Variants in RASL10B observed in about 807,000 individuals in gnomAD.
RASL10B encodes RAS like family 10 member B, also known as ras-like protein family member 10B.
Under a neutral mutation model 20.7 loss-of-function variants are expected in RASL10B, and 10 were observed. The ratio of observed to expected loss-of-function variants is 0.48; its 90% CI spans 0.30 to 0.82. RASL10B has a LOEUF of 0.82. RASL10B is among the 40% of genes least tolerant of loss of function. The pLI, the probability that RASL10B is intolerant of heterozygous loss-of-function variation, is 0.07. For missense variants in RASL10B, 231 were observed against 295.4 expected, an observed-to-expected ratio of 0.78 and a Z score of 1.60; for synonymous variants, 110 against 123.3, an observed-to-expected ratio of 0.89 and a Z score of 0.72.
Position 35,740,105 on chromosome 17 carries a change from A to G in RASL10B, c.217-304A>G, listed in dbSNP as rs9911015. ...GGTACTTAATAAATGTACTTGTTGA[A>G]CAAAGGCCTCGATGGATGGATGAGG... On this transcript the variant is annotated intron_variant, in intron 2 of 3. Transcript: ENST00000603017. 2.5e-3 allele frequency among the ~76,000 whole-genome samples: 377 copies of G among 152,334 alleles called. 2 individuals carry two copies. Among genetic ancestry groups the G allele is most frequent in the African/African-American group, 8.6e-3 (357 of 41,558 alleles).
At position 35,735,545 on chromosome 17, in the gene RASL10B, G is replaced by A; in HGVS notation, c.216+145G>A. Reference sequence around the variant, plus strand: ...TCCACACTGCACCTTGGGCCACTCTGCTTAGAGCCGTTCCAGGAATCCATT... The same window carrying A: ...TCCACACTGCACCTTGGGCCACTCTACTTAGAGCCGTTCCAGGAATCCATT... On this transcript the variant is annotated intron_variant, in intron 2 of 3. Coordinates refer to ENST00000603017, the MANE Select transcript of RASL10B (RefSeq NM_033315.4). This position sits in a 1 kb window ranked among gnomAD's most constrained non-coding sequence, Gnocchi z 6.7. 1.4e-6 allele frequency: 1 copy of A among 701,300 alleles called. No homozygotes were observed. Among genetic ancestry groups the A allele is most frequent in the Non-Finnish European group, 2.4e-6 (1 of 421,662 alleles). 43.4% of individuals were successfully genotyped at this position (701,300 alleles called of 1,614,324 possible). A position where few individuals can be genotyped will look rare whatever the true frequency, so the allele number is the denominator to read the frequency against.
chr17:35,738,586 C>G (rs2143020060), intron 2 of RASL10B, among the ~76,000 whole-genome samples: 1 of 152,296 alleles, frequency 6.6e-6, no homozygotes, highest in African/African-American at 2.4e-5. Context: ...GTGGCTGAGC[C>G]TTGTCCCTGA....
chr17:35,735,481 G>C lies in RASL10B; in HGVS notation c.216+81G>C. On this transcript the variant is annotated intron_variant, in intron 2 of 3. Coordinates refer to ENST00000603017, the MANE Select transcript of RASL10B (RefSeq NM_033315.4). This position sits in a 1 kb window ranked among gnomAD's most constrained non-coding sequence, Gnocchi z 6.7. ...GCTGGATTCCAAACTGCTGTAGCTT[G>C]GGCCCTATTGCCAGGGCCCCATCAC... 1 of 1,417,550 alleles carries C rather than the reference G, an allele frequency of 7.1e-7. No homozygotes were observed. The allele number at this position is 1,417,550 out of a possible 1,614,324, so 87.8% of individuals were successfully genotyped here.
At position 35,741,558 on chromosome 17, in the gene RASL10B, G is replaced by T; in HGVS notation, c.*253G>T. The T allele has an allele frequency of 4.4e-6, 2 of 455,582 alleles. No homozygotes were observed. The highest frequency in any genetic ancestry group is 3.7e-5 in the East Asian group (1 of 27,086). 28.2% of individuals were successfully genotyped at this position (455,582 alleles called of 1,614,324 possible). A position where few individuals can be genotyped will look rare whatever the true frequency, so the allele number is the denominator to read the frequency against. On this transcript the variant is annotated 3_prime_UTR_variant, in exon 4 of 4. Coordinates refer to ENST00000603017, the MANE Select transcript of RASL10B (RefSeq NM_033315.4). ...CTGTATTTAGTGCAGTGCCCGGCCCGACCCGCGGGGGTGCCACAGCCTTTT... is the reference window on the plus strand; with the variant it reads ...CTGTATTTAGTGCAGTGCCCGGCCCTACCCGCGGGGGTGCCACAGCCTTTT...
intron 1 of RASL10B, among the ~76,000 whole-genome samples, chr17:35,733,981 A>T (rs1030213406): frequency 6.6e-6 from 1 of 152,206 alleles, no homozygotes; most frequent in East Asian, 1.9e-4. Flanking sequence ...ACCTTGGCCT[A>T]TATGCATTCA....
rs895597865 is a variant in RASL10B at position 35,731,699 on chromosome 17, C to T, written c.-327C>T. 6.6e-6 allele frequency: 1 copy of T among 152,160 alleles called. No individual in the cohort carries two copies. Among genetic ancestry groups the T allele is most frequent in the Non-Finnish European group, 1.5e-5 (1 of 68,026 alleles). 9.4% of individuals were successfully genotyped at this position (152,160 alleles called of 1,614,324 possible). The stretch of plus-strand genomic sequence containing the variant: ...GAGCTGGGGCTGGAGGTTCCTACCC[C>T]CTCGGCGGCCCGCATCTGCCCCCGC... On this transcript the variant is annotated 5_prime_UTR_variant, in exon 1 of 4. Transcript: ENST00000603017.
At position 35,741,387 on chromosome 17, in the gene RASL10B, C is replaced by A. The variant is rs2085628584; in HGVS notation, c.*82C>A. 1.5e-6 allele frequency: 2 copies of A among 1,361,336 alleles called. No homozygotes were observed. Among genetic ancestry groups the A allele is most frequent in the Admixed American group, 3.9e-5 (1 of 25,588 alleles). The allele number at this position is 1,361,336 out of a possible 1,614,324, so 84.3% of individuals were successfully genotyped here. On this transcript the variant is annotated 3_prime_UTR_variant, in exon 4 of 4. Coordinates refer to ENST00000603017, the MANE Select transcript of RASL10B (RefSeq NM_033315.4). ...CTGCGGGGCTGGGGCGGGGAGCGGG[C>A]GGGAAATGGAACTGTGACGGTCCCG...
At chr17:35,732,100 C>A (rs1055687462) in intron 1 of RASL10B, among the ~76,000 whole-genome samples, 2 of 151,876 alleles carry the variant, frequency 1.3e-5, no homozygotes, top group Non-Finnish European at 2.9e-5. Flanking sequence ...AGGCGGAGAG[C>A]GAGCTGGGCT....
chr17:35,740,681 G>C (rs189941270), intron 3 of RASL10B, 148 bp downstream of exon 3: 20 of 1,053,972 alleles, frequency 1.9e-5, no homozygotes, highest in Non-Finnish European at 2.6e-5. Context: ...CATACATTGT[G>C]CTGTTCCCAT....
chr17:35,740,676 A>G, intron 3 of RASL10B, 143 bp downstream of exon 3: 4 of 1,059,970 alleles, frequency 3.8e-6, no homozygotes, highest in Non-Finnish European at 5.4e-6. Context: ...ACATGCATAC[A>G]TTGTGCTGTT....
intron 2 of RASL10B, among the ~76,000 whole-genome samples, chr17:35,736,472 T>C (rs1568090430): frequency 6.6e-6 from 1 of 152,206 alleles, no homozygotes; most frequent in Non-Finnish European, 1.5e-5. Context: ...CGGAGACACC[T>C]GTTCACCCAT....
In RASL10B at chr17:35,735,284, G is replaced by A. The variant is rs146106471; in HGVS notation, c.100G>A (p.Val34Ile). The stretch of plus-strand genomic sequence containing the variant: ...GTACAACGAGTTCAGCGAGGTCTGC[G>A]TCCCCACCACCGCCCGCCGCCTTTA... Reference protein sequence around the residue: ...FLYNEFSEVCVPTTARRLYLP... With the variant: ...FLYNEFSEVCIPTTARRLYLP... Residue 34 changes from valine (V) to isoleucine (I), a missense_variant, in exon 2 of 4, where the codon GTC becomes ATC. Physicochemically the swap from Val to Ile is conservative, Grantham distance 29. Coordinates refer to ENST00000603017, the MANE Select transcript of RASL10B (RefSeq NM_033315.4). This position sits in a 1 kb window ranked among gnomAD's most constrained non-coding sequence, Gnocchi z 6.7. The A allele has an allele frequency of 5.5e-4, 888 of 1,613,912 alleles. 4 individuals carry two copies. The African/African-American group carries it at 9.5e-3, about 17-fold the overall frequency.
intron 1 of RASL10B, among the ~76,000 whole-genome samples, chr17:35,734,332 ACTT>A (rs2085576776): frequency 6.6e-6 from 1 of 152,164 alleles, no homozygotes; most frequent in Non-Finnish European, 1.5e-5. Flanking sequence ...GATTGGGCAC[ACTT>A]CTTACTCCTT....
chr17:35,734,993 T>C, intron 1 of RASL10B, 45 bp from the exon 2 acceptor site: 2 of 610,244 alleles, frequency 3.3e-6, no homozygotes, highest in Non-Finnish European at 5.8e-6. Flanking sequence ...GCAGGACACG[T>C]CCAGGGATAA....
Position 35,741,565 on chromosome 17 carries a change from G to C in RASL10B, c.*260G>C, listed in dbSNP as rs1398606627. On this transcript the variant is annotated 3_prime_UTR_variant, in exon 4 of 4. Transcript: ENST00000603017. ...TAGTGCAGTGCCCGGCCCGACCCGCGGGGGTGCCACAGCCTTTTGGGATGG... is the reference window on the plus strand; with the variant it reads ...TAGTGCAGTGCCCGGCCCGACCCGCCGGGGTGCCACAGCCTTTTGGGATGG... The C allele has an allele frequency of 2.3e-6, 1 of 438,124 alleles. No individual in the cohort carries two copies. The highest frequency in any genetic ancestry group is 2.0e-5 in the African/African-American group (1 of 48,850). 27.1% of individuals were successfully genotyped at this position (438,124 alleles called of 1,614,324 possible). A position where few individuals can be genotyped will look rare whatever the true frequency, so the allele number is the denominator to read the frequency against.
chr17:35,733,803 A>C (rs2085573751), intron 1 of RASL10B, among the ~76,000 whole-genome samples: 1 of 152,232 alleles, frequency 6.6e-6, no homozygotes, highest in Non-Finnish European at 1.5e-5. Context: ...ACCTATGTGC[A>C]GAAGCATGGC....
Position 35,735,344 on chromosome 17 carries a change from G to A in RASL10B, c.160G>A (p.Asp54Asn), listed in dbSNP as rs1268810469. The change falls in exon 2 of 4, where the codon GAC (aspartate) becomes AAC (asparagine). Residue 54 changes from aspartate (D) to asparagine (N), a missense_variant. Coordinates refer to ENST00000603017, the MANE Select transcript of RASL10B (RefSeq NM_033315.4). This position sits in a 1 kb window ranked among gnomAD's most constrained non-coding sequence, Gnocchi z 6.7. ...TGTCGTCATGAACGGCCACGTGCAC[G>A]ACCTCCAGATCCTCGACTTTCCACC... ...PAVVMNGHVH[D>N]LQILDFPPIS... The A allele has an allele frequency of 6.2e-6, 10 of 1,614,072 alleles. No individual in the cohort carries two copies. The East Asian group carries it at 8.9e-5, about 14-fold the overall frequency.
chr17:35,740,966 G>T, intron 3 of RASL10B, 69 bp from the exon 4 acceptor site: 1 of 1,386,466 alleles, frequency 7.2e-7, no homozygotes, highest in Non-Finnish European at 1.0e-6. Context: ...GCCAGGCACA[G>T]CCTGCCCTGC....
In RASL10B at chr17:35,735,113, G is replaced by A; in HGVS notation, c.-72G>A. On this transcript the variant is annotated 5_prime_UTR_variant, in exon 2 of 4. Transcript: ENST00000603017. This position sits in a 1 kb window ranked among gnomAD's most constrained non-coding sequence, Gnocchi z 6.7. Reference sequence around the variant, plus strand: ...GGTCCTGACGGTGGCTGAGCCCCCAGCCCCTGGAATATGCAGCCCGGGGGA... The same window carrying A: ...GGTCCTGACGGTGGCTGAGCCCCCAACCCCTGGAATATGCAGCCCGGGGGA... 1 of 1,493,104 alleles carries A rather than the reference G, an allele frequency of 6.7e-7. No homozygotes were observed. The highest frequency in any genetic ancestry group is 9.2e-7 in the Non-Finnish European group (1 of 1,091,496). The allele number at this position is 1,493,104 out of a possible 1,614,324, so 92.5% of individuals were successfully genotyped here.
Sources: allele counts gnomAD v4.1 joint callset (sites outside exome capture counted in the v4.1 genomes callset), GRCh38; gene constraint gnomAD v4.1.1; non-coding constraint Gnocchi (gnomAD v3.1); transcripts MANE v1.5; gene names NCBI Gene and HGNC (gene_info 2026-07-23, HGNC 2026-07-21).